The following VMP1 variants were observed in gnomAD, a reference collection of about 807,000 sequenced individuals.
VMP1 encodes the protein ectopic P-granules autophagy protein 3 homolog.
In VMP1, 11 loss-of-function variants were observed where a neutral mutation model predicts 56.0. That is an observed-to-expected ratio of 0.20 (90% CI 0.12 to 0.32). VMP1 has a LOEUF of 0.32. VMP1 is among the 10% of genes least tolerant of loss of function. The pLI is 1.00. For missense variants in VMP1, 296 were observed against 490.3 expected (o/e 0.60, Z 3.74); for synonymous variants, 149 against 165.0 (o/e 0.90, Z 0.74).
chr17:59,837,756 C>T (rs955094834), intron 10 of VMP1: 2 of 152,164 alleles, frequency 1.3e-5, no homozygotes, highest in African/African-American at 2.4e-5. Flanking sequence ...CTAATAAGGA[C>T]TTAGATTGAG....
intron 9 of VMP1, among the ~76,000 whole-genome samples, chr17:59,814,615 GGTT>G (rs1211172303): frequency 1.3e-5 from 2 of 152,158 alleles, no homozygotes; most frequent in South Asian, 2.1e-4. Flanking sequence ...AATCTTGAGA[GGTT>G]GTTATTAACC....
intron 9 of VMP1, among the ~76,000 whole-genome samples, chr17:59,816,557 G>A (rs954667480): frequency 1.6e-4 from 24 of 152,076 alleles, no homozygotes; most frequent in Admixed American, 3.9e-4. Context: ...CTGTAATCCC[G>A]CACTTTGGGA....
intron 7 of VMP1, among the ~76,000 whole-genome samples, chr17:59,780,743 C>T (rs1297892420): frequency 6.6e-6 from 1 of 151,984 alleles, no homozygotes; most frequent in African/African-American, 2.4e-5. Flanking sequence ...TCCACCACCA[C>T]GCCTGGCTAA....
chr17:59,769,305 C>A (rs564303473), intron 6 of VMP1, among the ~76,000 whole-genome samples: 35 of 151,712 alleles, frequency 2.3e-4, no homozygotes, highest in Admixed American at 9.8e-4. Flanking sequence ...GCATGCGCCA[C>A]CATGCCCAGC....
At chr17:59,820,749 G>T (rs1468942427) in intron 10 of VMP1, among the ~76,000 whole-genome samples, 1 of 152,150 alleles carries the variant, frequency 6.6e-6, no homozygotes, top group Non-Finnish European at 1.5e-5. Context: ...CACTGGTCCT[G>T]GCGTCTTGAC....
intron 1 of VMP1, among the ~76,000 whole-genome samples, chr17:59,728,587 C>T (rs1296675318): frequency 6.6e-6 from 1 of 152,050 alleles, no homozygotes; most frequent in Non-Finnish European, 1.5e-5. Context: ...GCCTGGAATC[C>T]CACCACTTTG....
In VMP1 at chr17:59,773,762, T is replaced by G. The variant is rs1401567068; in HGVS notation, c.591T>G (p.Gly197=). 2 of 1,604,816 alleles carry G rather than the reference T, an allele frequency of 1.2e-6. No homozygotes were observed. The highest frequency in any genetic ancestry group is 2.7e-5 in the African/African-American group (2 of 74,336). Residue 197 remains glycine, a synonymous_variant, in exon 7 of 12, where the codon GGT becomes GGG. Transcript: ENST00000262291. ...VRIEACMWGI[G]TAIGELPPYF... ...TTTGGTTTTTCACCTAGGGTATCGGTACAGCAATCGGAGAGCTGCCTCCAT... is the reference window on the plus strand; with the variant it reads ...TTTGGTTTTTCACCTAGGGTATCGGGACAGCAATCGGAGAGCTGCCTCCAT...
chr17:59,805,243 A>T (rs2144194513), intron 7 of VMP1, among the ~76,000 whole-genome samples: 1 of 152,342 alleles, frequency 6.6e-6, no homozygotes, highest in South Asian at 2.1e-4. Flanking sequence ...ATCTGAAAGA[A>T]CGAGAAGTCT....
chr17:59,804,498 C>T (rs2037781532), intron 7 of VMP1, among the ~76,000 whole-genome samples: 1 of 151,386 alleles, frequency 6.6e-6, no homozygotes, highest in Admixed American at 6.6e-5. Flanking sequence ...GCCTGTAGTC[C>T]CAGCTACTCA....
intron 5 of VMP1, among the ~76,000 whole-genome samples, chr17:59,757,903 G>A (rs2143946785): frequency 9.7e-6 from 1 of 103,406 alleles, no homozygotes; most frequent in East Asian, 3.3e-4. Flanking sequence ...GTCTCATTCT[G>A]TCACAGTGGC....
chr17:59,735,036 C>T (rs758177770), intron 2 of VMP1, among the ~76,000 whole-genome samples: 10 of 151,562 alleles, frequency 6.6e-5, no homozygotes, highest in Non-Finnish European at 1.3e-4. Flanking sequence ...TTCAGCCTCC[C>T]GAGTAGCTGG....
At chr17:59,730,461 C>T (rs1195871116) in intron 1 of VMP1, among the ~76,000 whole-genome samples, 1 of 152,080 alleles carries the variant, frequency 6.6e-6, no homozygotes, top group Non-Finnish European at 1.5e-5. Context: ...GATGGGATCT[C>T]ACTGTGTAGT....
intron 6 of VMP1, among the ~76,000 whole-genome samples, chr17:59,771,801 G>C (rs2036436251): frequency 6.6e-6 from 1 of 151,480 alleles, no homozygotes; most frequent in African/African-American, 2.4e-5. Context: ...GGCTGTTCTT[G>C]AGCTCATGTA....
rs527783575 is a variant in VMP1 at position 59,717,003 on chromosome 17, G to A, written c.-27+9255G>A. Among the ~76,000 whole-genome samples, 31 of 150,234 alleles carry A rather than the reference G, an allele frequency of 2.1e-4. No individual in the cohort carries two copies. In the East Asian group the frequency reaches 5.6e-3, roughly 27 times the overall value. On this transcript the variant is annotated intron_variant, in intron 1 of 11. Transcript: ENST00000262291. ...ATTTTTTTTTATTTTTTTTTGAGAC[G>A]GGGTCTCGCTCTGTCGCCCAGGCTG... is the stretch of plus-strand genomic sequence containing the variant.
At chr17:59,771,937 A>C (rs918151690) in intron 6 of VMP1, among the ~76,000 whole-genome samples, 5 of 152,026 alleles carry the variant, frequency 3.3e-5, no homozygotes, top group African/African-American at 9.7e-5. Context: ...CCATGTATAT[A>C]TGTCTCTCCT....
intron 10 of VMP1, among the ~76,000 whole-genome samples, chr17:59,837,030 T>C (rs1424927537): frequency 1.3e-5 from 2 of 151,488 alleles, no homozygotes; most frequent in Non-Finnish European, 2.9e-5. Flanking sequence ...TGAAACCCCA[T>C]CTCTACTAAA....
At chr17:59,837,088 A>C (rs547209222) in intron 10 of VMP1, among the ~76,000 whole-genome samples, 63 of 152,126 alleles carry the variant, frequency 4.1e-4, no homozygotes, top group Non-Finnish European at 8.4e-4. Context: ...CTGTAATCCC[A>C]GCTACTTGGG....
intron 5 of VMP1, among the ~76,000 whole-genome samples, chr17:59,758,321 T>A (rs2143949100): frequency 6.6e-6 from 1 of 152,346 alleles, no homozygotes; most frequent in East Asian, 1.9e-4. Context: ...TCTATGTTAT[T>A]CAAATCTTCT....
chr17:59,772,514 A>G (rs2036462947), intron 6 of VMP1, among the ~76,000 whole-genome samples: 1 of 149,878 alleles, frequency 6.7e-6, no homozygotes, highest in African/African-American at 2.5e-5. Flanking sequence ...CACACCTGTA[A>G]TCCCAGCACT....
Sources: allele counts gnomAD v4.1 joint callset (sites outside exome capture counted in the v4.1 genomes callset), GRCh38; gene constraint gnomAD v4.1.1; transcripts MANE v1.5; gene names NCBI Gene and HGNC (gene_info 2026-07-23, HGNC 2026-07-21).